The following GALNT11 variants were observed in gnomAD, a reference collection of about 807,000 sequenced individuals.
GALNT11 encodes the protein UDP-GalNAc:polypeptide N-acetylgalactosaminyltransferase 11.
In GALNT11, 47 loss-of-function variants were observed where a neutral mutation model predicts 72.7. The ratio of observed to expected loss-of-function variants is 0.65; its 90% CI spans 0.51 to 0.82. The LOEUF (loss-of-function observed/expected upper bound fraction) is 0.82, where lower values mean the gene tolerates loss of function less well. Ranked by LOEUF, GALNT11 falls within the 40% of genes least tolerant of loss-of-function variation. The pLI, the probability that GALNT11 is intolerant of heterozygous loss-of-function variation, is 0.00. For synonymous variants in GALNT11, 270 were observed against 286.6 expected (o/e 0.94, Z 0.58); for missense variants, 677 against 778.4 (o/e 0.87, Z 1.55).
chr7:152,104,742 A>G (rs1402659561), intron 4 of GALNT11: 1 of 152,220 alleles, frequency 6.6e-6, no homozygotes, highest in African/African-American at 2.4e-5. Context: ...ATATTTAGCA[A>G]CCTTGGAAGA....
chr7:152,068,740 C>CT (rs1237816409), intron 1 of GALNT11, among the ~76,000 whole-genome samples: 6 of 152,006 alleles, frequency 3.9e-5, no homozygotes, highest in Non-Finnish European at 8.8e-5. Context: ...AAAGAACCAG[C>CT]TTTTGGTTTT....
intron 6 of GALNT11, among the ~76,000 whole-genome samples, chr7:152,109,426 T>G (rs1025398688): frequency 6.6e-6 from 1 of 152,244 alleles, no homozygotes; most frequent in Non-Finnish European, 1.5e-5. Context: ...TCTTTTTCAT[T>G]GGCTGCTTAC....
intron 1 of GALNT11, among the ~76,000 whole-genome samples, chr7:152,031,182 A>G (rs755587519): frequency 2.6e-5 from 4 of 152,184 alleles, no homozygotes; most frequent in African/African-American, 4.8e-5. Context: ...CTTACTTTCA[A>G]GTACGGTTAC....
intron 1 of GALNT11, among the ~76,000 whole-genome samples, chr7:152,034,739 G>T (rs10244284): frequency 6.6e-6 from 1 of 151,982 alleles, no homozygotes; most frequent in African/African-American, 2.4e-5. Context: ...CCCTGCGGAT[G>T]GGAATAGTTG....
chr7:152,109,328 A>AGATAATTCTTTGTTGT (rs2087931556), intron 6 of GALNT11, among the ~76,000 whole-genome samples: 1 of 152,206 alleles, frequency 6.6e-6, no homozygotes, highest in African/African-American at 2.4e-5. Flanking sequence ...TCAGCCTTTG[A>AGATAATTCTTTGTTGT]AGGCATCATT....
chr7:152,063,075 A>G (rs532267077), intron 1 of GALNT11, among the ~76,000 whole-genome samples: 36 of 152,276 alleles, frequency 2.4e-4, no homozygotes, highest in African/African-American at 7.9e-4. Flanking sequence ...GTAGAATTCA[A>G]CTGTGAATCC....
intron 1 of GALNT11, among the ~76,000 whole-genome samples, chr7:152,057,699 T>C (rs779973616): frequency 2.0e-5 from 3 of 152,318 alleles, no homozygotes; most frequent in Non-Finnish European, 4.4e-5. Flanking sequence ...GCCTTAGATT[T>C]ACAGAATATT....
At chr7:152,112,909 T>A (rs1174079058) in intron 7 of GALNT11, among the ~76,000 whole-genome samples, 1 of 152,046 alleles carries the variant, frequency 6.6e-6, no homozygotes, top group East Asian at 1.9e-4. Flanking sequence ...AATAAATAAA[T>A]AAAAATAAGC....
Position 152,047,892 on chromosome 7 carries a change from G to T in GALNT11, c.-39+22008G>T, listed in dbSNP as rs193045370. Among the ~76,000 whole-genome samples, 254 of 151,604 alleles carry T rather than the reference G, an allele frequency of 1.7e-3. 1 individual carries two copies. The highest frequency in any genetic ancestry group is 2.9e-3 in the Non-Finnish European group (195 of 67,936). ...AAAACTTGTTGTAGTAATTATTTTT[G>T]ATCAGTTCGTCTTTTAGTCTTTCTA... On this transcript the variant is annotated intron_variant, in intron 1 of 11. Coordinates refer to ENST00000430044, the MANE Select transcript of GALNT11 (RefSeq NM_022087.4).
chr7:152,103,039 C>G, intron 3 of GALNT11, 73 bp from the exon 4 acceptor site: 1 of 1,350,948 alleles, frequency 7.4e-7, no homozygotes, highest in Middle Eastern at 2.7e-4. Context: ...GACAGTAAAT[C>G]TGTAGGTGAA....
intron 9 of GALNT11, chr7:152,117,649 G>A (rs1587497602): frequency 2.8e-5 from 12 of 428,806 alleles, no homozygotes; most frequent in East Asian, 1.7e-4. Context: ...AATACACCCC[G>A]GACAGAGGCC....
At position 152,094,655 on chromosome 7, in the gene GALNT11, T is replaced by C. The variant is rs1307999994; in HGVS notation, c.295+133T>C. 13 of 1,000,734 alleles carry C rather than the reference T, an allele frequency of 1.3e-5. No homozygotes were observed. The highest frequency in any genetic ancestry group is 1.6e-5 in the African/African-American group (1 of 60,672). 62.0% of individuals were successfully genotyped at this position (1,000,734 alleles called of 1,614,324 possible). A position where few individuals can be genotyped will look rare whatever the true frequency, so the allele number is the denominator to read the frequency against. ...TGATTTATTTTGTTTGTGAACTACC[T>C]GAAGTTCTGTGGTTTCTGCAGACTC... On this transcript the variant is annotated intron_variant, in intron 2 of 11. Coordinates refer to ENST00000430044, the MANE Select transcript of GALNT11 (RefSeq NM_022087.4). This position sits in a 1 kb window ranked among gnomAD's most constrained non-coding sequence, Gnocchi z 4.3.
At chr7:152,100,180 G>T (rs1421802947) in intron 2 of GALNT11, among the ~76,000 whole-genome samples, 4 of 151,944 alleles carry the variant, frequency 2.6e-5, no homozygotes, top group Non-Finnish European at 5.9e-5. Flanking sequence ...GGCCACTGGG[G>T]TTCTAAAATC....
At chr7:152,091,668 G>A (rs1035137058) in intron 1 of GALNT11, among the ~76,000 whole-genome samples, 11 of 152,102 alleles carry the variant, frequency 7.2e-5, no homozygotes, top group African/African-American at 7.2e-5. Context: ...GTGAGCCACC[G>A]CCCCCAGCCG....
chr7:152,025,834 TGCC>T lies in GALNT11; in HGVS notation c.-86_-84del, dbSNP rs1189405120. 3.5e-6 allele frequency: 1 copy of T among 283,882 alleles called. No homozygotes were observed. The highest frequency in any genetic ancestry group is 3.4e-5 in the Admixed American group (1 of 29,098). 17.6% of individuals were successfully genotyped at this position (283,882 alleles called of 1,614,324 possible). On this transcript the variant is annotated 5_prime_UTR_variant, in exon 1 of 12. Coordinates refer to ENST00000430044, the MANE Select transcript of GALNT11 (RefSeq NM_022087.4). ...ACTGGGGCTGTGGCGGGAGAGAAGA[TGCC>T]GCAGCCCGAGTCCCAGAAGGCGGCG... is the stretch of plus-strand genomic sequence containing the variant.
intron 10 of GALNT11, chr7:152,119,219 A>G (rs552320770): frequency 6.5e-6 from 1 of 152,720 alleles, no homozygotes; most frequent in African/African-American, 2.4e-5. Context: ...CAAGGGAAGC[A>G]CTACAGAATT....
At chr7:152,059,089 T>A (rs929130608) in intron 1 of GALNT11, among the ~76,000 whole-genome samples, 4 of 152,120 alleles carry the variant, frequency 2.6e-5, no homozygotes, top group African/African-American at 9.7e-5. Flanking sequence ...CTCGAATGAA[T>A]GGGTTTTTGT....
intron 1 of GALNT11, among the ~76,000 whole-genome samples, chr7:152,076,406 G>A (rs1360028799): frequency 1.3e-5 from 2 of 152,154 alleles, no homozygotes; most frequent in Non-Finnish European, 2.9e-5. Flanking sequence ...CACACCAGTA[G>A]GGGAATGAAG....
At chr7:152,092,198 C>T (rs2086084024) in intron 1 of GALNT11, among the ~76,000 whole-genome samples, 1 of 152,170 alleles carries the variant, frequency 6.6e-6, no homozygotes. Context: ...CTACCCTAAG[C>T]GAACATTTTA....
Sources: gnomAD v4.1 joint callset for allele counts (sites outside exome capture counted in the v4.1 genomes callset) on GRCh38, gnomAD v4.1.1 for gene constraint, Gnocchi (gnomAD v3.1) non-coding constraint, MANE v1.5 for transcripts, NCBI Gene and HGNC (gene_info 2026-07-23, HGNC 2026-07-21) for gene names.